UNC80: variants seen among roughly 807,000 people sequenced by gnomAD.
UNC80 encodes unc-80 subunit of NALCN channel complex.
A neutral mutation model predicts 384.6 loss-of-function variants in UNC80; 164 were observed. The ratio of observed to expected loss-of-function variants is 0.43; its 90% confidence interval spans 0.38 to 0.49. The LOEUF is 0.49. Among genes scored for constraint, UNC80 ranks in the 20% least tolerant of loss-of-function variants. The pLI, the probability that UNC80 is intolerant of heterozygous loss-of-function variation, is 0.00. For synonymous variants in UNC80, 1,486 were observed against 1,527.8 expected, an observed-to-expected ratio of 0.97 and a Z score of 0.64; for missense variants, 3,330 against 4,143.0, an observed-to-expected ratio of 0.80 and a Z score of 5.39.
At chr2:209,835,533 C>T (rs1210975363) in intron 18 of UNC80, among the ~76,000 whole-genome samples, 2 of 152,182 alleles carry the variant, frequency 1.3e-5, no homozygotes, top group Non-Finnish European at 2.9e-5. Flanking sequence ...CTACACTTTT[C>T]ATAATGGAAA....
At chr2:209,972,993 G>C (rs1353041261) in intron 55 of UNC80, 71 bp from the exon 56 acceptor site, 2 of 1,410,942 alleles carry the variant, frequency 1.4e-6, no homozygotes, top group East Asian at 2.5e-5. Context: ...GAGTTTTTCT[G>C]TATCTACTGT....
intron 25 of UNC80, among the ~76,000 whole-genome samples, chr2:209,882,479 A>G (rs1056810016): frequency 3.3e-5 from 5 of 152,202 alleles, no homozygotes; most frequent in Non-Finnish European, 7.3e-5. Flanking sequence ...TTATGAGTAA[A>G]CTGTCTGCTC....
chr2:209,879,951 T>C (rs755775889), intron 24 of UNC80, among the ~76,000 whole-genome samples: 13 of 152,352 alleles, frequency 8.5e-5, no homozygotes, highest in Admixed American at 2.0e-4. Context: ...TGTATTCTAT[T>C]CAATTAAGAA....
At chr2:209,915,404 C>CAAAAAAAAAAA (rs5838189) in intron 31 of UNC80, among the ~76,000 whole-genome samples, 1 of 76,992 alleles carries the variant, frequency 1.3e-5, no homozygotes, top group Non-Finnish European at 2.6e-5. Flanking sequence ...GACTCTGTCT[C>CAAAAAAAAAAA]AAAAAAAAAA....
Position 209,976,237 on chromosome 2 carries a change from C to A in UNC80, c.8706C>A (p.Phe2902Leu), listed in dbSNP as rs1192435250. 5.2e-6 allele frequency: 8 copies of A among 1,551,548 alleles called. No individual in the cohort carries two copies. Among genetic ancestry groups the A allele is most frequent in the African/African-American group, 1.4e-5 (1 of 73,016 alleles). ...RKVGGLALWDFLDFIVRTRIP... is the reference protein window; with the variant it reads ...RKVGGLALWDLLDFIVRTRIP... ...TGGGAGGCCTGGCCCTTTGGGATTT[C>A]CTCGACTTCATCGTGCGGACCCGAA... The change falls in exon 57 of 65, where the codon TTC (phenylalanine) becomes TTA (leucine). Residue 2902 changes from phenylalanine (F) to leucine (L), a missense_variant. By Grantham distance (22) the Phe-to-Leu change is conservative. Coordinates refer to ENST00000673920, the MANE Select transcript of UNC80 (RefSeq NM_001371986.1). The surrounding 1 kb of genome is among the most constrained non-coding windows in gnomAD (Gnocchi z 4.3).
At chr2:209,954,474 G>C (rs1240765506) in intron 48 of UNC80, 1 of 393,204 alleles carries the variant, frequency 2.5e-6, no homozygotes, top group African/African-American at 2.0e-5. Flanking sequence ...CTGATTAGTA[G>C]TAGTATAATA....
intron 63 of UNC80, 52 bp from the exon 64 acceptor site, chr2:209,994,013 G>C (rs900492609): frequency 1.4e-6 from 2 of 1,475,280 alleles, no homozygotes; most frequent in African/African-American, 2.8e-5. Context: ...AAGCATTGAC[G>C]GTCCGTTTCC....
chr2:209,812,029 A>G (rs954501275), intron 7 of UNC80, among the ~76,000 whole-genome samples: 2 of 151,990 alleles, frequency 1.3e-5, no homozygotes, highest in African/African-American at 4.8e-5. Context: ...CTTACTCCAT[A>G]GTATTTTTGT....
At chr2:209,984,263 A>G (rs1035084707) in intron 60 of UNC80, among the ~76,000 whole-genome samples, 4 of 152,242 alleles carry the variant, frequency 2.6e-5, no homozygotes, top group African/African-American at 4.8e-5. Context: ...TGCGAGTTCC[A>G]TGTGAATTTT....
chr2:209,814,838 A>G (rs1387117891), intron 8 of UNC80, among the ~76,000 whole-genome samples: 1 of 152,176 alleles, frequency 6.6e-6, no homozygotes, highest in African/African-American at 2.4e-5. Context: ...TTTTTTCTGC[A>G]TATTCTGAAA....
Position 209,777,284 on chromosome 2 carries a change from G to A in UNC80, c.325G>A (p.Glu109Lys), listed in dbSNP as rs1169944030. The change falls in exon 4 of 65, where the codon GAG (glutamate) becomes AAG (lysine). Residue 109 changes from glutamate to lysine, a missense_variant. Around this residue, in one of 8 missense-constraint regions of UNC80, gnomAD observed 86 missense variants for 141.5 expected, o/e 0.61. Transcript: ENST00000673920. ...LGHQDKLGVA[E>K]TKLLHTLHWM... is the part of the protein sequence containing the mutation. ...CCACCAGGATAAATTGGGTGTTGCT[G>A]AGACAAAGCTCCTTCACACTCTACA... The A allele has an allele frequency of 6.2e-7, 1 of 1,601,588 alleles. No individual in the cohort carries two copies.
chr2:209,995,979 T>A lies in UNC80; in HGVS notation c.*384T>A, dbSNP rs79263683. 49 of 159,036 alleles carry A rather than the reference T, an allele frequency of 3.1e-4. No individual in the cohort carries two copies. The East Asian group carries it at 8.9e-3, about 29-fold the overall frequency. The allele number at this position is 159,036 out of a possible 1,614,324, so 9.9% of individuals were successfully genotyped here. The stretch of plus-strand genomic sequence containing the variant: ...TGCAATTTTTTGAGATTACTCACAT[T>A]ATACATCTCATGCAAATATTTATTT... On this transcript the variant is annotated 3_prime_UTR_variant, in exon 65 of 65. Transcript: ENST00000673920.
At chr2:209,944,968 G>A (rs186257888) in intron 45 of UNC80, 83 bp from the exon 46 acceptor site, 99 of 1,448,166 alleles carry the variant, frequency 6.8e-5, no homozygotes, top group Non-Finnish European at 9.2e-5. Flanking sequence ...ACTGGTAATA[G>A]CATTTATAAA....
chr2:209,940,474 C>A, intron 43 of UNC80, among the ~76,000 whole-genome samples: 1 of 152,162 alleles, frequency 6.6e-6, no homozygotes, highest in East Asian at 1.9e-4. Flanking sequence ...TAATTTGAGA[C>A]AATTTACTTA....
chr2:209,922,487 A>G (rs1178119407), intron 35 of UNC80, 104 bp downstream of exon 35: 1 of 1,286,208 alleles, frequency 7.8e-7, no homozygotes, highest in African/African-American at 1.5e-5. Context: ...TCATTAAATA[A>G]CTTGTCTCAT....
chr2:209,987,740 T>C (rs904495691), intron 61 of UNC80, among the ~76,000 whole-genome samples: 2 of 151,636 alleles, frequency 1.3e-5, no homozygotes, highest in Non-Finnish European at 2.9e-5. Context: ...CAGTGAAAAA[T>C]AAAAATGTTT....
chr2:209,837,556 A>G (rs1454868270), intron 18 of UNC80, among the ~76,000 whole-genome samples: 1 of 152,130 alleles, frequency 6.6e-6, no homozygotes, highest in African/African-American at 2.4e-5. Context: ...TTTTTAAACC[A>G]TTTGATTGTT....
At chr2:209,826,628 T>C (rs2080541894) in intron 14 of UNC80, among the ~76,000 whole-genome samples, 1 of 152,180 alleles carries the variant, frequency 6.6e-6, no homozygotes, top group Admixed American at 6.5e-5. Context: ...AACTTGAAAC[T>C]CTGCATTTGG....
chr2:209,926,568 G>A (rs1048840026), intron 35 of UNC80, among the ~76,000 whole-genome samples: 3 of 152,108 alleles, frequency 2.0e-5, no homozygotes, highest in Non-Finnish European at 4.4e-5. Context: ...CTTGAGCCCG[G>A]TAGTTCAAGA....
Sources: allele counts gnomAD v4.1 joint callset (sites outside exome capture counted in the v4.1 genomes callset), GRCh38; gene constraint gnomAD v4.1.1; regional missense constraint gnomAD v4.1.1; non-coding constraint Gnocchi (gnomAD v3.1); transcripts MANE v1.5; gene names NCBI Gene and HGNC (gene_info 2026-07-23, HGNC 2026-07-21).